Variants in ARMH4 observed in about 807,000 individuals in gnomAD.
The protein encoded by ARMH4 is armadillo-like helical domain-containing protein 4.
A neutral mutation model predicts 61.9 loss-of-function variants in ARMH4; 49 were observed. That is an observed-to-expected ratio of 0.79 (90% CI 0.63 to 1.00). ARMH4 has a LOEUF of 1.00. Ranked by LOEUF, ARMH4 falls within the 50% of genes least tolerant of loss-of-function variation. The probability of loss-of-function intolerance (pLI) is 0.00; values close to 1 mark genes in which losing one functional copy is unlikely to be tolerated. For synonymous variants in ARMH4, 368 were observed against 341.5 expected (o/e 1.08, Z -0.85); for missense variants, 934 against 930.0 (o/e 1.00, Z -0.06).
intron 4 of ARMH4, among the ~76,000 whole-genome samples, chr14:58,123,768 C>T (rs555684773): frequency 7.9e-5 from 12 of 152,320 alleles, no homozygotes; most frequent in African/African-American, 2.9e-4. Context: ...TAGCCCCCAT[C>T]TATTTGGCCA....
At chr14:58,132,078 A>G (rs1053893286) in intron 3 of ARMH4, among the ~76,000 whole-genome samples, 1 of 152,256 alleles carries the variant, frequency 6.6e-6, no homozygotes, top group African/African-American at 2.4e-5. Context: ...TATTTCAAAG[A>G]CTACTTTGGA....
intron 2 of ARMH4, among the ~76,000 whole-genome samples, chr14:58,136,384 A>G (rs1327888792): frequency 1.3e-5 from 2 of 152,200 alleles, no homozygotes; most frequent in African/African-American, 4.8e-5. Flanking sequence ...TCTATGAAGA[A>G]CTGAAGTAAA....
intron 5 of ARMH4, among the ~76,000 whole-genome samples, chr14:58,026,314 C>T (rs1350390983): frequency 3.3e-5 from 5 of 151,970 alleles, no homozygotes; most frequent in Admixed American, 6.6e-5. Context: ...GTATTTGCCT[C>T]CCCCTATGCT....
At chr14:58,126,004 A>G (rs1886883476) in intron 4 of ARMH4, among the ~76,000 whole-genome samples, 1 of 152,160 alleles carries the variant, frequency 6.6e-6, no homozygotes, top group Non-Finnish European at 1.5e-5. Context: ...ATAGCCAATC[A>G]TCTATCACCT....
intron 1 of ARMH4, among the ~76,000 whole-genome samples, chr14:58,140,406 C>T (rs1219867061): frequency 1.3e-5 from 2 of 151,676 alleles, no homozygotes; most frequent in Non-Finnish European, 2.9e-5. Context: ...CATGGTGAAA[C>T]CCCATCTCTG....
intron 4 of ARMH4, chr14:58,131,152 T>C (rs1041752909): frequency 1.0e-5 from 2 of 197,584 alleles, no homozygotes; most frequent in Non-Finnish European, 1.0e-5. Context: ...CACAGCTTCT[T>C]AATTCTGCTG....
intron 5 of ARMH4, among the ~76,000 whole-genome samples, chr14:58,078,807 G>C (rs1216608121): frequency 2.0e-5 from 3 of 152,182 alleles, no homozygotes; most frequent in Admixed American, 6.5e-5. Flanking sequence ...ATTTGTCTCA[G>C]GGGCTGTACT....
intron 6 of ARMH4, among the ~76,000 whole-genome samples, chr14:58,007,923 A>C (rs1004539151): frequency 1.3e-5 from 2 of 152,198 alleles, no homozygotes; most frequent in Non-Finnish European, 1.5e-5. Context: ...TAAAAATGTT[A>C]ATGTCATAAA....
rs1391646429 is a variant in ARMH4, at chr14:58,102,575, G to A, written c.1832-5594C>T. On this transcript the variant is annotated intron_variant, in intron 4 of 7. Transcript: ENST00000267485. ...GCCTGTAATCCCAGCACTTTGGGAG[G>A]CCGAGGCGGGTGGATCATGAGGTCA... 4.6e-5 allele frequency among the ~76,000 whole-genome samples: 7 copies of A among 151,908 alleles called. No individual in the cohort carries two copies. In the South Asian group the frequency reaches 1.0e-3, roughly 23 times the overall value.
At position 58,094,329 on chromosome 14, in the gene ARMH4, C is replaced by CAAAAA. The variant is rs759288462; in HGVS notation, c.2089+2390_2089+2394dup. ...TGAGCAACAGAGTGAGACGCTTTCT[C>CAAAAA]AAAAAAAAAAAAAAAGAACTTTAGC... On this transcript the variant is annotated intron_variant, in intron 5 of 7. Transcript: ENST00000267485. Among the ~76,000 whole-genome samples the CAAAAA allele has an allele frequency of 8.8e-4, 103 of 117,618 alleles. 12 individuals carry two copies. The highest frequency in any genetic ancestry group is 1.0e-3 in the Non-Finnish European group (61 of 58,446). 77.2% of individuals were successfully genotyped at this position (117,618 alleles called of 152,430 possible). A position where few individuals can be genotyped will look rare whatever the true frequency, so the allele number is the denominator to read the frequency against.
chr14:58,081,287 C>T (rs1885216853), intron 5 of ARMH4, among the ~76,000 whole-genome samples: 1 of 152,046 alleles, frequency 6.6e-6, no homozygotes, highest in Non-Finnish European at 1.5e-5. Context: ...CCACCCAGAC[C>T]TACTGAATCA....
In ARMH4 at chr14:58,121,438, C is replaced by T. The variant is rs184358998; in HGVS notation, c.1831+10074G>A. On this transcript the variant is annotated intron_variant, in intron 4 of 7. Coordinates refer to ENST00000267485, the MANE Select transcript of ARMH4 (RefSeq NM_001001872.4). ...TTGCAATTATACCAATAAATGAATT[C>T]CCTGTGGCAGGAAAGCATACCAGAA... Among the ~76,000 whole-genome samples the T allele has an allele frequency of 1.0e-3, 153 of 152,318 alleles. 1 individual carries two copies. The highest frequency in any genetic ancestry group is 1.7e-3 in the Non-Finnish European group (113 of 68,026).
intron 5 of ARMH4, among the ~76,000 whole-genome samples, chr14:58,028,643 A>T (rs1328832095): frequency 6.6e-6 from 1 of 152,170 alleles, no homozygotes; most frequent in Non-Finnish European, 1.5e-5. Context: ...GGTGTTAAAC[A>T]TCCCAGCATT....
At chr14:58,058,487 A>C (rs1485723615) in intron 5 of ARMH4, among the ~76,000 whole-genome samples, 1 of 152,096 alleles carries the variant, frequency 6.6e-6, no homozygotes, top group African/African-American at 2.4e-5. Context: ...GGGGTAGATT[A>C]TTCATGAGTT....
intron 5 of ARMH4, among the ~76,000 whole-genome samples, chr14:58,078,758 C>A (rs564666674): frequency 6.6e-6 from 1 of 152,290 alleles, no homozygotes; most frequent in East Asian, 1.9e-4. Context: ...TGGCTGTGTT[C>A]CCAAAAACCT....
intron 5 of ARMH4, among the ~76,000 whole-genome samples, chr14:58,033,054 C>T (rs1594706938): frequency 2.1e-5 from 2 of 93,108 alleles, no homozygotes; most frequent in East Asian, 6.2e-4. Flanking sequence ...CCCACCACAG[C>T]TCAAGGAGGC....
intron 6 of ARMH4, among the ~76,000 whole-genome samples, chr14:58,008,848 G>T (rs1337715467): frequency 6.6e-6 from 1 of 152,160 alleles, no homozygotes; most frequent in Non-Finnish European, 1.5e-5. Context: ...TGCATTTTCT[G>T]GATGGTTTCC....
intron 5 of ARMH4, among the ~76,000 whole-genome samples, chr14:58,032,413 T>G (rs573465548): frequency 2.6e-5 from 4 of 152,226 alleles, no homozygotes; most frequent in Non-Finnish European, 5.9e-5. Context: ...CCTAATCATT[T>G]TTGTGCTATG....
At chr14:58,079,930 A>C (rs1210917802) in intron 5 of ARMH4, among the ~76,000 whole-genome samples, 2 of 152,124 alleles carry the variant, frequency 1.3e-5, no homozygotes, top group African/African-American at 4.8e-5. Flanking sequence ...GTAACTATAG[A>C]AATGATCTAT....
Sources: allele counts gnomAD v4.1 joint callset (sites outside exome capture counted in the v4.1 genomes callset), GRCh38; gene constraint gnomAD v4.1.1; transcripts MANE v1.5; gene names NCBI Gene and HGNC (gene_info 2026-07-23, HGNC 2026-07-21).